ZNF606: variants seen among roughly 807,000 people sequenced by gnomAD.
ZNF606 encodes zinc finger protein 606.
In ZNF606, 37 loss-of-function variants were observed where a neutral mutation model predicts 74.9. That is an observed-to-expected ratio of 0.49 (90% CI 0.38 to 0.65). The LOEUF (loss-of-function observed/expected upper bound fraction) is 0.65. Among genes scored for constraint, ZNF606 ranks in the 30% least tolerant of loss-of-function variants. The probability of loss-of-function intolerance (pLI) is 0.00; values close to 1 mark genes in which losing one functional copy is unlikely to be tolerated. For synonymous variants in ZNF606, 328 were observed against 312.4 expected, an observed-to-expected ratio of 1.05 and a Z score of -0.53; for missense variants, 852 against 952.9, an observed-to-expected ratio of 0.89 and a Z score of 1.39.
rs183671646 is a variant in ZNF606 at position 57,994,831 on chromosome 19, G to A, written c.177+4977C>T. Reference sequence around the variant, plus strand: ...AAGGGGTATTTTCTCCCAGAGTGGGGAGACTGACAAGTAGCTTCGCCCCCT... The same window carrying A: ...AAGGGGTATTTTCTCCCAGAGTGGGAAGACTGACAAGTAGCTTCGCCCCCT... On this transcript the variant is annotated intron_variant, in intron 4 of 6. Coordinates refer to ENST00000551380, the MANE Select transcript of ZNF606 (RefSeq NM_001348022.3). Among the ~76,000 whole-genome samples the A allele has an allele frequency of 2.4e-3, 373 of 152,248 alleles. 4 individuals are homozygous for A. Among genetic ancestry groups the A allele is most frequent in the African/African-American group, 7.8e-3 (324 of 41,532 alleles).
In ZNF606 at chr19:58,002,698, G is replaced by A. The variant is rs755554199; in HGVS notation, c.-354C>T. 94 of 454,120 alleles carry A rather than the reference G, an allele frequency of 2.1e-4. 1 individual carries two copies. The highest frequency in any genetic ancestry group is 1.4e-3 in the South Asian group (91 of 64,484). 28.1% of individuals were successfully genotyped at this position (454,120 alleles called of 1,614,324 possible). ...AAAGGGCAGGCGCAGGACCCACCCT[G>A]ACGCCGCCTCTCCCAGCCGGCTCTC... On this transcript the variant is annotated 5_prime_UTR_variant, in exon 1 of 7. Transcript: ENST00000551380.
At chr19:57,980,878 C>A (rs1435806753) in intron 6 of ZNF606, among the ~76,000 whole-genome samples, 2 of 151,202 alleles carry the variant, frequency 1.3e-5, no homozygotes, top group Admixed American at 6.6e-5. Context: ...GTTAACTCTG[C>A]AGGCCTGACG....
intron 4 of ZNF606, among the ~76,000 whole-genome samples, chr19:57,990,606 C>T (rs1443376512): frequency 1.3e-5 from 2 of 151,494 alleles, no homozygotes; most frequent in Admixed American, 6.6e-5. Flanking sequence ...TGCAGTATAC[C>T]GCTCCCACTC....
chr19:57,982,160 G>A (rs913798553), intron 6 of ZNF606, among the ~76,000 whole-genome samples: 8 of 152,098 alleles, frequency 5.3e-5, no homozygotes, highest in Non-Finnish European at 8.8e-5. Context: ...GTTATTGGCC[G>A]GGTTGTGCTC....
chr19:57,980,650 A>G (rs1448479164), intron 6 of ZNF606, among the ~76,000 whole-genome samples: 1 of 152,104 alleles, frequency 6.6e-6, no homozygotes, highest in African/African-American at 2.4e-5. Flanking sequence ...CCTGGCTAAC[A>G]CAGTGAAACC....
chr19:57,980,422 C>T (rs1345506505), intron 6 of ZNF606, 143 bp from the exon 7 acceptor site: 1 of 770,924 alleles, frequency 1.3e-6, no homozygotes, highest in Non-Finnish European at 2.0e-6. Context: ...AGAGAAAGAT[C>T]ATAATAGGGA....
intron 4 of ZNF606, among the ~76,000 whole-genome samples, chr19:57,993,596 G>A (rs1346422376): frequency 2.0e-5 from 3 of 152,214 alleles, no homozygotes; most frequent in Non-Finnish European, 2.9e-5. Context: ...GTCTGCACTC[G>A]CACAGCTTTG....
At chr19:58,001,180 G>T in intron 2 of ZNF606, 109 bp downstream of exon 2, 2 of 1,324,338 alleles carry the variant, frequency 1.5e-6, no homozygotes, top group Non-Finnish European at 2.1e-6. Context: ...TACCAAGATA[G>T]ACAGACCCCC....
rs754995075 is a variant in ZNF606 at position 58,000,534 on chromosome 19, C to T, written c.88+149G>A. ...ACGCCTGGCCACTAGTTTTCTGATTCCTCCTTGTTCCAGCTCTGCACAGAG... is the reference window on the plus strand; with the variant it reads ...ACGCCTGGCCACTAGTTTTCTGATTTCTCCTTGTTCCAGCTCTGCACAGAG... On this transcript the variant is annotated intron_variant, in intron 3 of 6. Coordinates refer to ENST00000551380, the MANE Select transcript of ZNF606 (RefSeq NM_001348022.3). 8 of 879,042 alleles carry T rather than the reference C, an allele frequency of 9.1e-6. No individual in the cohort carries two copies. The South Asian group carries it at 1.1e-4, about 12-fold the overall frequency. 54.5% of individuals were successfully genotyped at this position (879,042 alleles called of 1,614,324 possible).
At chr19:57,990,159 G>T (rs978584879) in intron 4 of ZNF606, among the ~76,000 whole-genome samples, 1 of 150,548 alleles carries the variant, frequency 6.6e-6, no homozygotes, top group Non-Finnish European at 1.5e-5. Context: ...TCAGGAGATT[G>T]AGACCATCCT....
At position 57,978,422 on chromosome 19, in the gene ZNF606, A is replaced by G. The variant is rs1290099038; in HGVS notation, c.2258T>C (p.Ile753Thr). The G allele has an allele frequency of 6.2e-7, 1 of 1,614,012 alleles. No homozygotes were observed. The change falls in exon 7 of 7, where the codon ATT (isoleucine) becomes ACT (threonine). Residue 753 changes from isoleucine (I) to threonine (T), a missense_variant. Transcript: ENST00000551380. This position sits in a 1 kb window ranked among gnomAD's most constrained non-coding sequence, Gnocchi z 4.4. ...KAFCKNSSLI[I>T]HQRMHSGEKR... ...CTCTCCACTATGCATTCTCTGATGA[A>G]TAATAAGGGAAGAATTCTTACAAAA...
At chr19:57,992,592 T>C (rs2073277095) in intron 4 of ZNF606, among the ~76,000 whole-genome samples, 1 of 152,164 alleles carries the variant, frequency 6.6e-6, no homozygotes, top group South Asian at 2.1e-4. Flanking sequence ...AAAAACATAT[T>C]TTAGAGACAC....
chr19:58,002,259 TG>T, intron 1 of ZNF606, 136 bp downstream of exon 1: 1 of 456,766 alleles, frequency 2.2e-6, no homozygotes, highest in South Asian at 1.5e-5. Context: ...AAACGACGGC[TG>T]GGGAACGAAC....
chr19:57,991,349 G>C (rs970220597), intron 4 of ZNF606, among the ~76,000 whole-genome samples: 3 of 152,070 alleles, frequency 2.0e-5, no homozygotes, highest in Non-Finnish European at 4.4e-5. Flanking sequence ...GGCCTATGCA[G>C]CATTTGGAAG....
rs372786911 is a variant in ZNF606, at chr19:57,986,451, T to C, written c.400+1756A>G. Among the ~76,000 whole-genome samples, 15 of 151,742 alleles carry C rather than the reference T, an allele frequency of 9.9e-5. 1 individual carries two copies. The South Asian group carries it at 2.7e-3, about 27-fold the overall frequency. On this transcript the variant is annotated intron_variant, in intron 6 of 6. Coordinates refer to ENST00000551380, the MANE Select transcript of ZNF606 (RefSeq NM_001348022.3). ...TGGGCAACAGAGTGTCTTTTCTATCTCAAAAAACAAAATGGAAATGCTAAA... is the reference window on the plus strand; with the variant it reads ...TGGGCAACAGAGTGTCTTTTCTATCCCAAAAAACAAAATGGAAATGCTAAA...
intron 4 of ZNF606, among the ~76,000 whole-genome samples, chr19:57,990,241 T>A (rs1201705750): frequency 1.3e-5 from 2 of 150,434 alleles, no homozygotes; most frequent in African/African-American, 4.9e-5. Context: ...AGCAGGCACC[T>A]GTTGTCCCAG....
rs2073057827 is a variant in ZNF606 at position 57,979,960 on chromosome 19, A to C, written c.720T>G (p.Pro240=). The change falls in exon 7 of 7, where the codon CCT becomes CCG. Residue 240 remains proline, a synonymous_variant. Transcript: ENST00000551380. The stretch of plus-strand genomic sequence containing the variant: ...ATCTCCAACTTTGAGCATGTGTATC[A>C]GGCTTATAGAAATGTTCTATCTGAG... ...RVSQIEHFYK[P]DTHAQSWRCD... is the part of the protein sequence containing the mutation. The C allele has an allele frequency of 6.2e-7, 1 of 1,613,858 alleles. No individual in the cohort carries two copies. Among genetic ancestry groups the C allele is most frequent in the South Asian group, 1.1e-5 (1 of 91,092 alleles).
intron 1 of ZNF606, chr19:58,002,057 C>T (rs1341091387): frequency 2.2e-5 from 9 of 413,940 alleles, no homozygotes; most frequent in Non-Finnish European, 9.8e-6. Flanking sequence ...GTGTATAAAG[C>T]ACTAGAACAC....
At chr19:58,000,449 T>C in intron 3 of ZNF606, 1 of 612,140 alleles carries the variant, frequency 1.6e-6, no homozygotes, top group South Asian at 1.9e-5. Context: ...ATGGTCTCGA[T>C]CTCCTGACCT....
Sources: gnomAD v4.1 joint callset for allele counts (sites outside exome capture counted in the v4.1 genomes callset) on GRCh38, gnomAD v4.1.1 for gene constraint, Gnocchi (gnomAD v3.1) non-coding constraint, MANE v1.5 for transcripts, NCBI Gene and HGNC (gene_info 2026-07-23, HGNC 2026-07-21) for gene names.